SNAP91: variants seen among roughly 807,000 people sequenced by gnomAD.
SNAP91 encodes clathrin coat assembly protein AP180.
A neutral mutation model predicts 100.3 loss-of-function variants in SNAP91; 27 were observed. That is an observed-to-expected ratio of 0.27 (90% CI 0.20 to 0.37). The LOEUF (loss-of-function observed/expected upper bound fraction) is 0.37. Ranked by LOEUF, SNAP91 falls within the 10% of genes least tolerant of loss-of-function variation. The probability of loss-of-function intolerance (pLI) is 1.00; values close to 1 mark genes in which losing one functional copy is unlikely to be tolerated. For missense variants in SNAP91, 986 were observed against 1,123.7 expected, an observed-to-expected ratio of 0.88 and a Z score of 1.75; for synonymous variants, 404 against 398.6, an observed-to-expected ratio of 1.01 and a Z score of -0.16.
chr6:83,699,458 A>G (rs2099264172), intron 2 of SNAP91, among the ~76,000 whole-genome samples: 1 of 152,184 alleles, frequency 6.6e-6, no homozygotes, highest in African/African-American at 2.4e-5. Context: ...GAATTAATGA[A>G]CTAGAAGGTA....
At chr6:83,617,550 T>G (rs1193017908) in intron 9 of SNAP91, among the ~76,000 whole-genome samples, 1 of 151,618 alleles carries the variant, frequency 6.6e-6, no homozygotes, top group Non-Finnish European at 1.5e-5. Flanking sequence ...AAGAATATAA[T>G]TCTAATAATC....
intron 26 of SNAP91, among the ~76,000 whole-genome samples, chr6:83,573,099 A>T (rs1811294223): frequency 2.0e-5 from 3 of 152,172 alleles, no homozygotes; most frequent in Non-Finnish European, 1.5e-5. Context: ...GTAATTCCAA[A>T]TGTGGGCTGA....
intron 2 of SNAP91, among the ~76,000 whole-genome samples, chr6:83,682,897 C>T (rs887380687): frequency 6.6e-6 from 1 of 151,898 alleles, no homozygotes; most frequent in Non-Finnish European, 1.5e-5. Context: ...TAATCTCACA[C>T]CTTCTCTTTG....
In SNAP91 at chr6:83,580,528, C is replaced by T. The variant is rs1254455798; in HGVS notation, c.2221G>A (p.Val741Ile). The T allele has an allele frequency of 3.1e-6, 5 of 1,613,598 alleles. No individual in the cohort carries two copies. Among genetic ancestry groups the T allele is most frequent in the African/African-American group, 2.7e-5 (2 of 74,926 alleles). The change falls in exon 24 of 30, where the codon GTA (valine) becomes ATA (isoleucine). Residue 741 changes from valine (V) to isoleucine (I), a missense_variant. Transcript: ENST00000369694. ...PAGQPAPVSMVPPSPAMAASK... is the reference protein window; with the variant it reads ...PAGQPAPVSMIPPSPAMAASK... ...GCTGCCATTGCAGGACTGGGTGGTA[C>T]CATTGAGACAGGTGCAGGCTGCCCA...
chr6:83,617,676 T>C (rs76234185), intron 9 of SNAP91, among the ~76,000 whole-genome samples: 4,141 of 151,772 alleles, frequency 0.027, 191 homozygotes, highest in African/African-American at 0.093. Context: ...GCAAATTTAA[T>C]AAGTTTCAAC....
chr6:83,671,406 T>C (rs2098784097), intron 2 of SNAP91, among the ~76,000 whole-genome samples: 1 of 152,108 alleles, frequency 6.6e-6, no homozygotes, highest in Admixed American at 6.6e-5. Context: ...ATCCATCACA[T>C]TTTCTGCATG....
chr6:83,646,722 ACAG>A (rs1468120012), intron 7 of SNAP91, among the ~76,000 whole-genome samples: 1 of 152,182 alleles, frequency 6.6e-6, no homozygotes, highest in Non-Finnish European at 1.5e-5. Context: ...GTCAATATCC[ACAG>A]TTACTTGCTG....
Position 83,582,334 on chromosome 6 carries a change from C to T in SNAP91, c.2037G>A (p.Ala679=), listed in dbSNP as rs202058742. 5.6e-5 allele frequency: 90 copies of T among 1,612,016 alleles called. No homozygotes were observed. The highest frequency in any genetic ancestry group is 2.9e-4 in the South Asian group (26 of 90,864). ...LLAGFGGSFM[A]PSPSPVTPAQ... is the part of the protein sequence containing the mutation. ...CTGGAGTCACTGGAGATGGGGAAGG[C>T]GCCATGAAAGAACCCCCAAATCCTG... The change falls in exon 23 of 30, where the codon GCG becomes GCA. Residue 679 remains alanine, a synonymous_variant. Transcript: ENST00000369694.
At chr6:83,706,306 G>T (rs889181398) in intron 2 of SNAP91, among the ~76,000 whole-genome samples, 2 of 152,170 alleles carry the variant, frequency 1.3e-5, no homozygotes, top group Non-Finnish European at 2.9e-5. Context: ...TCCAGAGTTG[G>T]GGAAACTGAT....
chr6:83,580,436 AC>A lies in SNAP91; in HGVS notation c.2299+13del. 1 of 1,569,166 alleles carries A rather than the reference AC, an allele frequency of 6.4e-7. No homozygotes were observed. Among genetic ancestry groups the A allele is most frequent in the Middle Eastern group, 1.7e-4 (1 of 5,790 alleles). On this transcript the variant is annotated intron_variant, in intron 24 of 29. Transcript: ENST00000369694. The stretch of plus-strand genomic sequence containing the variant: ...CTTCAGTTAAAGAAAAAAAAAAAAA[AC>A]TAGATTACTCACTGCCTACTAAGCT...
intron 9 of SNAP91, among the ~76,000 whole-genome samples, chr6:83,617,326 A>G (rs2096538434): frequency 6.6e-6 from 1 of 152,086 alleles, no homozygotes; most frequent in Admixed American, 6.6e-5. Flanking sequence ...ACTTATATGC[A>G]GTAAACTCAA....
Position 83,601,280 on chromosome 6 carries a change from G to T in SNAP91, c.1315C>A (p.Leu439Ile), listed in dbSNP as rs372766235. The part of the protein sequence containing the change: ...TVTAVTAEVD[L>I]FGDAFAASPG... Reference sequence around the variant, plus strand: ...AGCGAGACTAACTAACCTCCAAAGAGATCCACTTCAGCAGTGACAGCAGTA... The same window carrying T: ...AGCGAGACTAACTAACCTCCAAAGATATCCACTTCAGCAGTGACAGCAGTA... The change falls in exon 16 of 30, where the codon CTC becomes ATC. Residue 439 changes from leucine (L) to isoleucine (I), a missense_variant. Coordinates refer to ENST00000369694, the MANE Select transcript of SNAP91 (RefSeq NM_001242792.2). 8.1e-6 allele frequency: 13 copies of T among 1,613,228 alleles called. No homozygotes were observed. The African/African-American group carries it at 1.6e-4, about 20-fold the overall frequency.
rs1334204293 is a variant in SNAP91, at chr6:83,662,494, G to C, written c.274-72C>G. 1.3e-5 allele frequency: 7 copies of C among 551,500 alleles called. No homozygotes were observed. The African/African-American group carries it at 1.4e-4, about 11-fold the overall frequency. The allele number at this position is 551,500 out of a possible 1,614,324, so 34.2% of individuals were successfully genotyped here. The stretch of plus-strand genomic sequence containing the variant: ...TTTAAACAATTTCTGACACTAAAGC[G>C]ATTTTTTTTTTTAACAAATTCTCAT... On this transcript the variant is annotated intron_variant, in intron 3 of 29. Transcript: ENST00000369694.
chr6:83,638,912 G>A (rs1409019359), intron 8 of SNAP91, among the ~76,000 whole-genome samples: 1 of 152,152 alleles, frequency 6.6e-6, no homozygotes, highest in Non-Finnish European at 1.5e-5. Context: ...TGAAAGAGAA[G>A]AGTATTTAGC....
chr6:83,674,441 A>G (rs1250018676), intron 2 of SNAP91, among the ~76,000 whole-genome samples: 1 of 152,174 alleles, frequency 6.6e-6, no homozygotes, highest in Non-Finnish European at 1.5e-5. Flanking sequence ...CTCAAAAAAA[A>G]AGAAAGATAA....
intron 12 of SNAP91, among the ~76,000 whole-genome samples, chr6:83,608,908 T>G (rs910990164): frequency 6.6e-6 from 1 of 152,128 alleles, no homozygotes; most frequent in East Asian, 1.9e-4. Context: ...CAACAAAAAT[T>G]CAAATCTTCC....
intron 9 of SNAP91, among the ~76,000 whole-genome samples, chr6:83,621,508 T>C (rs992494976): frequency 1.3e-5 from 2 of 152,172 alleles, no homozygotes; most frequent in Non-Finnish European, 2.9e-5. Flanking sequence ...CCCTAAATTA[T>C]GAAAACACAC....
intron 2 of SNAP91, among the ~76,000 whole-genome samples, chr6:83,681,928 C>T (rs1190967093): frequency 6.6e-6 from 1 of 152,122 alleles, no homozygotes; most frequent in African/African-American, 2.4e-5. Context: ...TATCAAGTAA[C>T]AGAATGGGGA....
chr6:83,607,591 C>T, intron 13 of SNAP91, 108 bp downstream of exon 13: 1 of 645,088 alleles, frequency 1.6e-6, no homozygotes, highest in South Asian at 2.6e-5. Context: ...TTCAACATTA[C>T]TAGGATTAGA....
Sources: allele counts gnomAD v4.1 joint callset (sites outside exome capture counted in the v4.1 genomes callset), GRCh38; gene constraint gnomAD v4.1.1; transcripts MANE v1.5; gene names NCBI Gene and HGNC (gene_info 2026-07-23, HGNC 2026-07-21).